Variants in GRK6 observed in about 807,000 individuals in gnomAD.
GRK6 encodes the protein G protein-coupled receptor kinase 6.
GRK6 carries 37 observed loss-of-function variants against 80.8 expected under a neutral mutation model. That is an observed-to-expected ratio of 0.46 (90% CI 0.35 to 0.60). The LOEUF (loss-of-function observed/expected upper bound fraction) is 0.60. Ranked by LOEUF, GRK6 falls within the 20% of genes least tolerant of loss-of-function variation. The probability of loss-of-function intolerance (pLI) is 0.00; values close to 1 mark genes in which losing one functional copy is unlikely to be tolerated. For synonymous variants in GRK6, 295 were observed against 320.9 expected, an observed-to-expected ratio of 0.92 and a Z score of 0.86; for missense variants, 560 against 784.6, an observed-to-expected ratio of 0.71 and a Z score of 3.42.
chr5:177,426,265 G>C (rs180974568), upstream of GRK6, among the ~76,000 whole-genome samples: 1 of 152,224 alleles, frequency 6.6e-6, no homozygotes, highest in South Asian at 2.1e-4. Context: ...GCCAAAGGCC[G>C]CCGGGCCACA....
intron 9 of GRK6, 68 bp from the exon 10 acceptor site, chr5:177,434,834 G>C (rs191491152): frequency 2.0e-5 from 32 of 1,583,206 alleles, no homozygotes; most frequent in South Asian, 1.2e-4. Flanking sequence ...AGTGAGCTGG[G>C]GGGGCTGGCC....
rs185662112 is a variant in GRK6 at position 177,434,914 on chromosome 5, C to T, written c.942C>T (p.Pro314=). The change falls in exon 10 of 16, where the codon CCC becomes CCT. Residue 314 remains proline (P), a synonymous_variant. Transcript: ENST00000355472. The stretch of plus-strand genomic sequence containing the variant: ...TCTCTCTGCACAGGGACCTGAAGCC[C>T]GAGAACATCTTGCTGGATGACCACG... The part of the protein sequence containing the change: ...RERIVYRDLK[P]ENILLDDHGH... 10 of 1,613,520 alleles carry T rather than the reference C, an allele frequency of 6.2e-6. No individual in the cohort carries two copies. In the Admixed American group the frequency reaches 6.7e-5, roughly 11 times the overall value.
Position 177,440,971 on chromosome 5 carries a change from C to T in GRK6, c.1595C>T (p.Ser532Leu), listed in dbSNP as rs1319626844. 3 of 1,613,880 alleles carry T rather than the reference C, an allele frequency of 1.9e-6. No individual in the cohort carries two copies. The highest frequency in any genetic ancestry group is 3.3e-4 in the Middle Eastern group (2 of 6,084). Reference sequence around the variant, plus strand: ...CTGAATGTCTTTGGGCTGGATGGCTCAGTTCCCCCAGACCTGGACTGGAAG... The same window carrying T: ...CTGAATGTCTTTGGGCTGGATGGCTTAGTTCCCCCAGACCTGGACTGGAAG... Reference protein sequence around the residue: ...QELNVFGLDGSVPPDLDWKGQ... With the variant: ...QELNVFGLDGLVPPDLDWKGQ... Residue 532 changes from serine (S) to leucine (L), a missense_variant, in exon 15 of 16, where the codon TCA becomes TTA. Coordinates refer to ENST00000355472, the MANE Select transcript of GRK6 (RefSeq NM_001004106.3).
Position 177,429,174 on chromosome 5 carries a change from C to T in GRK6, c.53-1698C>T, listed in dbSNP as rs563700895. ...TCATATAAAATTGGGCCTGCTCTGG[C>T]AGAGTTGCTGTGAGGATGGAGTGGG... On this transcript the variant is annotated intron_variant, in intron 1 of 15. Transcript: ENST00000355472. The surrounding 1 kb of genome is among the most constrained non-coding windows in gnomAD (Gnocchi z 4.3). Among the ~76,000 whole-genome samples, 316 of 152,232 alleles carry T rather than the reference C, an allele frequency of 2.1e-3. No individual in the cohort carries two copies. The highest frequency in any genetic ancestry group is 7.2e-3 in the Admixed American group (110 of 15,292).
intron 13 of GRK6, 79 bp downstream of exon 13, chr5:177,436,609 T>C: frequency 7.5e-7 from 1 of 1,326,460 alleles, no homozygotes; most frequent in South Asian, 1.4e-5. Flanking sequence ...TCAGCCAGGA[T>C]GCTTCCAGTG....
In GRK6 at chr5:177,432,326, T is replaced by TG; in HGVS notation, c.339+18dup. 6.2e-7 allele frequency: 1 copy of TG among 1,610,718 alleles called. No homozygotes were observed. Among genetic ancestry groups the TG allele is most frequent in the Non-Finnish European group, 8.5e-7 (1 of 1,178,648 alleles). Reference sequence around the variant, plus strand: ...GAGCCACACGGTGAGTGAGCAGCGATGGAGAGATGATGGGAGCCACCAGAG... The same window carrying TG: ...GAGCCACACGGTGAGTGAGCAGCGATGGGAGAGATGATGGGAGCCACCAGAG... On this transcript the variant is annotated intron_variant, in intron 4 of 15. Coordinates refer to ENST00000355472, the MANE Select transcript of GRK6 (RefSeq NM_001004106.3).
At chr5:177,426,244 G>C (rs188076720), upstream of GRK6, among the ~76,000 whole-genome samples, 1 of 152,212 alleles carries the variant, frequency 6.6e-6, no homozygotes, top group Non-Finnish European at 1.5e-5. Flanking sequence ...CCCTAGAAAA[G>C]CCGTCTGCGA....
chr5:177,436,349 C>G, intron 12 of GRK6, 44 bp from the exon 13 acceptor site: 1 of 1,607,988 alleles, frequency 6.2e-7, no homozygotes. Context: ...CCCTCCCACC[C>G]ACTCACCTGC....
Position 177,434,115 on chromosome 5 carries a change from C to T in GRK6, c.929+11C>T. ...GCGCATCGTGTACAGGTGGGGAGGG[C>T]TCGGCCACCCCAGGGGCTTAGTCCT... is the stretch of plus-strand genomic sequence containing the variant. On this transcript the variant is annotated intron_variant, in intron 9 of 15. Transcript: ENST00000355472. 6.5e-7 allele frequency: 1 copy of T among 1,544,072 alleles called. No homozygotes were observed. The highest frequency in any genetic ancestry group is 8.7e-7 in the Non-Finnish European group (1 of 1,146,040).
rs867783337 is a variant in GRK6, at chr5:177,440,817, C to T, written c.1522C>T (p.Pro508Ser). ...FYQKFATGSV[P>S]IPWQNEMVET... is the part of the protein sequence containing the mutation. ...CCAGAAGTTTGCCACAGGCAGTGTG[C>T]CCATCCCCTGGCAGAACGAGGTGGG... is the stretch of plus-strand genomic sequence containing the variant. Residue 508 changes from proline (P) to serine (S), a missense_variant, in exon 14 of 16, where the codon CCC (proline) becomes TCC (serine). Transcript: ENST00000355472. The T allele has an allele frequency of 1.2e-6, 2 of 1,614,082 alleles. No individual in the cohort carries two copies. Among genetic ancestry groups the T allele is most frequent in the Non-Finnish European group, 1.7e-6 (2 of 1,180,028 alleles).
chr5:177,432,705 G>A lies in GRK6; in HGVS notation c.340-1G>A, dbSNP rs1259962146. ...CTGACCTGTCTGGGGCTTGTTCCCA[G>A]GGTCCTGACCTCATCCCTGAGGTCC... On this transcript the variant is annotated splice_acceptor_variant, in intron 4 of 15. Transcript: ENST00000355472. LOFTEE classifies it high-confidence loss of function. The A allele has an allele frequency of 6.3e-7, 1 of 1,592,290 alleles. No homozygotes were observed. The highest frequency in any genetic ancestry group is 8.6e-7 in the Non-Finnish European group (1 of 1,166,760).
In GRK6 at chr5:177,441,166, G is replaced by A; in HGVS notation, c.1677+113G>A. 2.0e-6 allele frequency: 3 copies of A among 1,493,648 alleles called. No individual in the cohort carries two copies. The East Asian group carries it at 7.2e-5, about 36-fold the overall frequency. 92.5% of individuals were successfully genotyped at this position (1,493,648 alleles called of 1,614,324 possible). ...GGAGTGGGCGTCCTCCAGTCCTGTTGTGGTGCCCAGGGTCTCTGGCCTCAT... is the reference window on the plus strand; with the variant it reads ...GGAGTGGGCGTCCTCCAGTCCTGTTATGGTGCCCAGGGTCTCTGGCCTCAT... On this transcript the variant is annotated intron_variant, in intron 15 of 15. Transcript: ENST00000355472.
At chr5:177,433,283 G>C (rs1187087501) in intron 6 of GRK6, 44 bp downstream of exon 6, 8 of 1,613,680 alleles carry the variant, frequency 5.0e-6, no homozygotes, top group Admixed American at 1.7e-5. Flanking sequence ...AGGTCGCCGG[G>C]GTTCTTCATA....
chr5:177,431,932 G>C, intron 2 of GRK6, 63 bp from the exon 3 acceptor site: 1 of 1,433,072 alleles, frequency 7.0e-7, no homozygotes, highest in Non-Finnish European at 9.8e-7. Flanking sequence ...TGGTGGTGTG[G>C]GCACATGCCC....
chr5:177,431,061 C>T, intron 2 of GRK6, 94 bp downstream of exon 2: 1 of 992,302 alleles, frequency 1.0e-6, no homozygotes, highest in Non-Finnish European at 1.5e-6. Flanking sequence ...AGCAGAGGGG[C>T]AGACTTGGGG....
rs1174752158 is a variant in GRK6, at chr5:177,440,823, C to A, written c.1528C>A (p.Pro510Thr). ...GTTTGCCACAGGCAGTGTGCCCATC[C>A]CCTGGCAGAACGAGGTGGGGGCCTG... The part of the protein sequence containing the change: ...QKFATGSVPI[P>T]WQNEMVETEC... Residue 510 changes from proline to threonine, a missense_variant, in exon 14 of 16, where the codon CCC (proline) becomes ACC (threonine). By Grantham distance (38) the Pro-to-Thr change is conservative. Around this residue, in one of 3 missense-constraint regions of GRK6, gnomAD observed 294 missense variants for 397.4 expected, o/e 0.74. Coordinates refer to ENST00000355472, the MANE Select transcript of GRK6 (RefSeq NM_001004106.3). 6.2e-7 allele frequency: 1 copy of A among 1,614,062 alleles called. No homozygotes were observed. Among genetic ancestry groups the A allele is most frequent in the Non-Finnish European group, 8.5e-7 (1 of 1,180,016 alleles).
At position 177,430,936 on chromosome 5, in the gene GRK6, C is replaced by A; in HGVS notation, c.117C>A (p.Ile39=). The change falls in exon 2 of 16, where the codon ATC becomes ATA. Residue 39 remains isoleucine, a synonymous_variant. Coordinates refer to ENST00000355472, the MANE Select transcript of GRK6 (RefSeq NM_001004106.3). ...KWRQMLQFPH[I]SQCEELRLSL... The stretch of plus-strand genomic sequence containing the variant: ...GGCAGATGCTCCAGTTCCCTCACAT[C>A]AGCCAGTGCGAAGAGCTGCGGCTCA... The A allele has an allele frequency of 6.2e-7, 1 of 1,613,944 alleles. No individual in the cohort carries two copies. The highest frequency in any genetic ancestry group is 8.5e-7 in the Non-Finnish European group (1 of 1,179,956).
chr5:177,427,024 C>G (rs1455200127), intron 1 of GRK6, 127 bp downstream of exon 1: 5 of 427,408 alleles, frequency 1.2e-5, no homozygotes, highest in Non-Finnish European at 1.8e-5. Flanking sequence ...ACACCCCGCC[C>G]AGACACGAGC....
chr5:177,427,156 C>A lies in GRK6; in HGVS notation c.52+259C>A, dbSNP rs577515363. On this transcript the variant is annotated intron_variant, in intron 1 of 15. Transcript: ENST00000355472. Reference sequence around the variant, plus strand: ...GGTGAAGGAGTGAAAGAAGGTGAGACGAAGAGGGAAGGGTGGGACCGGAGC... The same window carrying A: ...GGTGAAGGAGTGAAAGAAGGTGAGAAGAAGAGGGAAGGGTGGGACCGGAGC... Among the ~76,000 whole-genome samples the A allele has an allele frequency of 3.0e-3, 450 of 152,190 alleles. 3 individuals carry two copies. Among genetic ancestry groups the A allele is most frequent in the Non-Finnish European group, 4.8e-3 (324 of 67,978 alleles).
Sources: allele counts gnomAD v4.1 joint callset (sites outside exome capture counted in the v4.1 genomes callset), GRCh38; gene constraint gnomAD v4.1.1; regional missense constraint gnomAD v4.1.1; non-coding constraint Gnocchi (gnomAD v3.1); transcripts MANE v1.5; gene names NCBI Gene and HGNC (gene_info 2026-07-23, HGNC 2026-07-21).